ATXN7L3: variants seen among roughly 807,000 people sequenced by gnomAD.
ATXN7L3 encodes the protein ataxin-7-like protein 3.
ATXN7L3 carries 6 observed loss-of-function variants against 50.0 expected under a neutral mutation model. The ratio of observed to expected loss-of-function variants is 0.12; its 90% CI spans 0.07 to 0.24. The LOEUF is 0.24. Ranked by LOEUF, ATXN7L3 falls within the 10% of genes least tolerant of loss-of-function variation. The pLI is 1.00. For missense variants in ATXN7L3, 322 were observed against 451.3 expected (o/e 0.71, Z 2.60); for synonymous variants, 198 against 165.8 (o/e 1.19, Z -1.49).
chr17:44,196,249 A>ACCCCC, intron 6 of ATXN7L3, 147 bp downstream of exon 6: 1 of 177,236 alleles, frequency 5.6e-6, no homozygotes. Flanking sequence ...TTCCCCACCC[A>ACCCCC]CACTCCCCCG....
chr17:44,196,943 C>T lies in ATXN7L3; in HGVS notation c.440G>A (p.Gly147Asp). Residue 147 changes from glycine to aspartate, a missense_variant, in exon 5 of 13, where the codon GGC (glycine) becomes GAC (aspartate). By Grantham distance (94) the Gly-to-Asp change is moderately conservative (BLOSUM62 -1). Around this residue, in one of 5 missense-constraint regions of ATXN7L3, gnomAD observed 95 missense variants for 98.1 expected, o/e 0.97. Transcript: ENST00000587097. Reference sequence around the variant, plus strand: ...TCCCCAAGCACCTTTCTTCTCCGAGCCATAGGACCAGTCGTTGTCATTGAT... The same window carrying T: ...TCCCCAAGCACCTTTCTTCTCCGAGTCATAGGACCAGTCGTTGTCATTGAT... Reference protein sequence around the residue: ...DDINDNDWSYGSEKKAKKRKS... With the variant: ...DDINDNDWSYDSEKKAKKRKS... 1 of 1,613,114 alleles carries T rather than the reference C, an allele frequency of 6.2e-7. No homozygotes were observed.
chr17:44,199,077 G>A (rs1460562223), intron 1 of ATXN7L3: 2 of 152,308 alleles, frequency 1.3e-5, no homozygotes, highest in East Asian at 1.9e-4. Context: ...CTGGGGGGAG[G>A]ACAGCCGAGC....
chr17:44,195,340 G>T, intron 9 of ATXN7L3, 79 bp downstream of exon 9: 1 of 1,483,538 alleles, frequency 6.7e-7, no homozygotes, highest in Non-Finnish European at 9.4e-7. Flanking sequence ...TAGGTCACCA[G>T]CTTCCTCCCA....
Position 44,199,660 on chromosome 17 carries a change from GC to G in ATXN7L3, c.-226del, listed in dbSNP as rs1213390703. 1.4e-5 allele frequency: 2 copies of G among 142,514 alleles called. No homozygotes were observed. Among genetic ancestry groups the G allele is most frequent in the African/African-American group, 5.1e-5 (2 of 38,930 alleles). 8.8% of individuals were successfully genotyped at this position (142,514 alleles called of 1,614,324 possible). On this transcript the variant is annotated 5_prime_UTR_variant, in exon 1 of 13. Transcript: ENST00000587097. ...GGGGGTCGGGCCGCCCCCCCGCCTG[GC>G]CGCCTCACCGGGCGGCCATGGCCCC...
rs373503146 is a variant in ATXN7L3, at chr17:44,197,412, G to A, written c.185-13C>T. On this transcript the variant is annotated splice_polypyrimidine_tract_variant and intron_variant, in intron 3 of 12. Coordinates refer to ENST00000587097, the MANE Select transcript of ATXN7L3 (RefSeq NM_001382309.1). ...TGGTCCACGATCTCTGGGGACAGGA[G>A]AGGCTGGCGATCAGGGTGGGCAGGA... 2 of 1,585,700 alleles carry A rather than the reference G, an allele frequency of 1.3e-6. No homozygotes were observed. The highest frequency in any genetic ancestry group is 1.7e-6 in the Non-Finnish European group (2 of 1,162,182).
rs376016532 is a variant in ATXN7L3 at position 44,196,823 on chromosome 17, ACT to A, written c.454+104_454+105del. The A allele has an allele frequency of 2.5e-4, 173 of 695,800 alleles. 3 individuals are homozygous for A. Among genetic ancestry groups the A allele is most frequent in the South Asian group, 2.3e-3 (137 of 60,052 alleles). The allele number at this position is 695,800 out of a possible 1,614,324, so 43.1% of individuals were successfully genotyped here. Reference sequence around the variant, plus strand: ...AAGGAAAAGGAAATCGCGTAACTACACTCTCTCTTCATCATTCAAGGCAACAA... The same window carrying A: ...AAGGAAAAGGAAATCGCGTAACTACACTCTCTTCATCATTCAAGGCAACAA... On this transcript the variant is annotated intron_variant, in intron 5 of 12. Transcript: ENST00000587097.
At chr17:44,196,327 C>T in intron 6 of ATXN7L3, 69 bp downstream of exon 6, 2 of 1,591,742 alleles carry the variant, frequency 1.3e-6, no homozygotes, top group Non-Finnish European at 8.6e-7. Context: ...CACTCGAGGA[C>T]TCCCTGCCCA....
chr17:44,192,327 G>A lies in ATXN7L3; in HGVS notation c.*1936C>T, dbSNP rs1202295326. On this transcript the variant is annotated 3_prime_UTR_variant, in exon 13 of 13. Transcript: ENST00000587097. ...CCCTGAGGGCGGGCCAAGGAACAAT[G>A]GGGAAGTTTATGTGGACAAACCAGT... 1 of 152,308 alleles carries A rather than the reference G, an allele frequency of 6.6e-6. No individual in the cohort carries two copies. Among genetic ancestry groups the A allele is most frequent in the Non-Finnish European group, 1.5e-5 (1 of 68,100 alleles). 9.4% of individuals were successfully genotyped at this position (152,308 alleles called of 1,614,324 possible).
chr17:44,196,259 G>A (rs970311266), intron 6 of ATXN7L3, 137 bp downstream of exon 6: 22 of 213,290 alleles, frequency 1.0e-4, no homozygotes, highest in East Asian at 6.9e-4. Context: ...ACACTCCCCC[G>A]CCCCGGACCC....
chr17:44,192,415 G>A lies in ATXN7L3; in HGVS notation c.*1848C>T, dbSNP rs2055724853. 1 of 152,300 alleles carries A rather than the reference G, an allele frequency of 6.6e-6. No homozygotes were observed. The highest frequency in any genetic ancestry group is 1.5e-5 in the Non-Finnish European group (1 of 68,128). The allele number at this position is 152,300 out of a possible 1,614,324, so 9.4% of individuals were successfully genotyped here. A position where few individuals can be genotyped will look rare whatever the true frequency, so the allele number is the denominator to read the frequency against. ...AAGGGGGGAAAAGGGAGAGGCCACA[G>A]GGCAAAGAGTGTATTAGGGCCTGAG... is the stretch of plus-strand genomic sequence containing the variant. On this transcript the variant is annotated 3_prime_UTR_variant, in exon 13 of 13. Coordinates refer to ENST00000587097, the MANE Select transcript of ATXN7L3 (RefSeq NM_001382309.1).
rs1384244078 is a variant in ATXN7L3, at chr17:44,193,619, A to T, written c.*644T>A. Reference sequence around the variant, plus strand: ...AACAAAAGGACAGCTCCTGCTGCCAAGGAGGCCCATGGGGACTGAGGGGAA... The same window carrying T: ...AACAAAAGGACAGCTCCTGCTGCCATGGAGGCCCATGGGGACTGAGGGGAA... On this transcript the variant is annotated 3_prime_UTR_variant, in exon 13 of 13. Coordinates refer to ENST00000587097, the MANE Select transcript of ATXN7L3 (RefSeq NM_001382309.1). 1 of 152,214 alleles carries T rather than the reference A, an allele frequency of 6.6e-6. No individual in the cohort carries two copies. Among genetic ancestry groups the T allele is most frequent in the African/African-American group, 2.4e-5 (1 of 41,406 alleles). 9.4% of individuals were successfully genotyped at this position (152,214 alleles called of 1,614,324 possible).
rs745748691 is a variant in ATXN7L3 at position 44,197,194 on chromosome 17, G to C, written c.356+34C>G. 3.2e-6 allele frequency: 5 copies of C among 1,576,478 alleles called. No homozygotes were observed. The Admixed American group carries it at 8.6e-5, about 27-fold the overall frequency. ...CCCCGGGGGACTACACCATGGCACA[G>C]GCTGCAGAGAACGGGCAGCTCTGGT... On this transcript the variant is annotated intron_variant, in intron 4 of 12. Transcript: ENST00000587097.
chr17:44,194,109 C>G lies in ATXN7L3; in HGVS notation c.*154G>C. 1 of 1,003,332 alleles carries G rather than the reference C, an allele frequency of 1.0e-6. No homozygotes were observed. The highest frequency in any genetic ancestry group is 1.5e-6 in the Non-Finnish European group (1 of 682,056). The allele number at this position is 1,003,332 out of a possible 1,614,324, so 62.2% of individuals were successfully genotyped here. The stretch of plus-strand genomic sequence containing the variant: ...TCCATTGCAGAGGACTTTGACACCC[C>G]CCAGGGGCGCATAATCGGATCCTCT... On this transcript the variant is annotated 3_prime_UTR_variant, in exon 13 of 13. Coordinates refer to ENST00000587097, the MANE Select transcript of ATXN7L3 (RefSeq NM_001382309.1).
At chr17:44,195,509 A>G (rs763493981) in intron 8 of ATXN7L3, 22 bp from the exon 9 acceptor site, 6 of 1,605,742 alleles carry the variant, frequency 3.7e-6, no homozygotes, top group Middle Eastern at 1.6e-4. Context: ...CCAGAGGTAC[A>G]GGTTAGAGAT....
In ATXN7L3 at chr17:44,194,803, C is replaced by T. The variant is rs552529939; in HGVS notation, c.702G>A (p.Arg234=). The T allele has an allele frequency of 1.3e-4, 208 of 1,614,196 alleles. 5 individuals are homozygous for T. In the South Asian group the frequency reaches 2.1e-3, roughly 16 times the overall value. ...CGAGAAAATAAATCCGTACGGTTCG[C>T]CTCTGCTCATCTGTGTGCTGTGGGC... ...LRCPQHTDEQ[R]RTVRIYFLGP... The change falls in exon 11 of 13, where the codon AGG becomes AGA. Residue 234 remains arginine, a synonymous_variant. Coordinates refer to ENST00000587097, the MANE Select transcript of ATXN7L3 (RefSeq NM_001382309.1).
Position 44,199,802 on chromosome 17 carries a change from C to G in ATXN7L3, c.-367G>C, listed in dbSNP as rs941334498. ...CCGCCCCCCACTCCAGCCCGCCTCT[C>G]CCGGGCGGGGGGTGCGGCGCGAGCC... On this transcript the variant is annotated 5_prime_UTR_variant, in exon 1 of 13. Coordinates refer to ENST00000587097, the MANE Select transcript of ATXN7L3 (RefSeq NM_001382309.1). The G allele has an allele frequency of 6.3e-4, 94 of 148,176 alleles. No homozygotes were observed. The highest frequency in any genetic ancestry group is 2.1e-3 in the African/African-American group (84 of 40,798). The allele number at this position is 148,176 out of a possible 1,614,324, so 9.2% of individuals were successfully genotyped here. A position where few individuals can be genotyped will look rare whatever the true frequency, so the allele number is the denominator to read the frequency against.
intron 2 of ATXN7L3, 136 bp downstream of exon 2, chr17:44,197,884 C>T (rs2055975247): frequency 1.3e-6 from 2 of 1,518,712 alleles, no homozygotes; most frequent in African/African-American, 1.4e-5. Flanking sequence ...TTCCTGGATC[C>T]TTGGCTTTTT....
In ATXN7L3 at chr17:44,194,890, C is replaced by T. The variant is rs182223869; in HGVS notation, c.666-51G>A. 1.7e-5 allele frequency: 27 copies of T among 1,596,238 alleles called. No homozygotes were observed. In the African/African-American group the frequency reaches 3.6e-4, roughly 21 times the overall value. ...GTTCTGAGGAACTCAGGTAAAGCCC[C>T]TCCCCTCGGCAAGGCAGGAGCCACA... On this transcript the variant is annotated intron_variant, in intron 10 of 12. Transcript: ENST00000587097.
rs972959746 is a variant in ATXN7L3, at chr17:44,194,113, G to A, written c.*150C>T. ...TTGCAGAGGACTTTGACACCCCCCA[G>A]GGGCGCATAATCGGATCCTCTGCCT... On this transcript the variant is annotated 3_prime_UTR_variant, in exon 13 of 13. Coordinates refer to ENST00000587097, the MANE Select transcript of ATXN7L3 (RefSeq NM_001382309.1). 30 of 1,029,928 alleles carry A rather than the reference G, an allele frequency of 2.9e-5. No individual in the cohort carries two copies. The African/African-American group carries it at 4.2e-4, about 14-fold the overall frequency. The allele number at this position is 1,029,928 out of a possible 1,614,324, so 63.8% of individuals were successfully genotyped here.
Sources: gnomAD v4.1 joint callset for allele counts on GRCh38, gnomAD v4.1.1 for gene constraint, gnomAD v4.1.1 regional missense constraint, MANE v1.5 for transcripts, NCBI Gene and HGNC (gene_info 2026-07-23, HGNC 2026-07-21) for gene names.